The following OSBPL10 variants were observed in gnomAD, a reference collection of about 807,000 sequenced individuals.
The protein encoded by OSBPL10 is oxysterol binding protein like 10.
In OSBPL10, 49 loss-of-function variants were observed where a neutral mutation model predicts 81.7. That is an observed-to-expected ratio of 0.60 (90% confidence interval 0.48 to 0.76). The LOEUF is 0.76. OSBPL10 is among the 30% of genes least tolerant of loss of function. OSBPL10 has a pLI of 0.00. For synonymous variants in OSBPL10, 419 were observed against 383.6 expected (o/e 1.09, Z -1.08); for missense variants, 923 against 987.8 (o/e 0.93, Z 0.88).
chr3:31,808,400 G>C (rs1268016985), intron 4 of OSBPL10, among the ~76,000 whole-genome samples: 1 of 152,204 alleles, frequency 6.6e-6, no homozygotes, highest in Non-Finnish European at 1.5e-5. Context: ...AGTTGCCTTG[G>C]CAACAGTATC....
In OSBPL10 at chr3:31,990,205, G is replaced by A. The variant is rs754185957; in HGVS notation, n.298+56286C>T. ...GAAACCTTACAAGTGTAATGAGTGT[G>A]GCAAAGCCTTTAGTGGGCAGTCAAC... On this transcript the variant is annotated intron_variant and non_coding_transcript_variant, in intron 2 of 3. Coordinates refer to the OSBPL10 transcript ENST00000479173. 16 of 1,613,962 alleles carry A rather than the reference G, an allele frequency of 9.9e-6. No homozygotes were observed. In the East Asian group the frequency reaches 3.6e-4, roughly 36 times the overall value.
chr3:31,697,226 T>C (rs115625905), intron 7 of OSBPL10, among the ~76,000 whole-genome samples: 8,032 of 152,166 alleles, frequency 0.053, 693 homozygotes, highest in African/African-American at 0.18. Context: ...GGAGAAACCA[T>C]GTGGGAAGAA....
At chr3:31,933,133 C>T (rs757960285) in intron 1 of OSBPL10, among the ~76,000 whole-genome samples, 20 of 152,152 alleles carry the variant, frequency 1.3e-4, no homozygotes, top group African/African-American at 4.8e-4. Flanking sequence ...TCCAGTTTTA[C>T]GCATGGAGAA....
At chr3:32,010,369 C>G (rs1435309908) in intron 2 of OSBPL10, among the ~76,000 whole-genome samples, 1 of 152,108 alleles carries the variant, frequency 6.6e-6, no homozygotes, top group Non-Finnish European at 1.5e-5. Context: ...GCAGCCCTAG[C>G]AGACTAATAC....
At chr3:31,730,320 G>A (rs1696934334) in intron 6 of OSBPL10, among the ~76,000 whole-genome samples, 1 of 151,002 alleles carries the variant, frequency 6.6e-6, no homozygotes, top group South Asian at 2.1e-4. Flanking sequence ...ACTCCAGCCT[G>A]GCCACAGAGC....
At chr3:31,813,735 C>T (rs1438744758) in intron 4 of OSBPL10, among the ~76,000 whole-genome samples, 4 of 152,104 alleles carry the variant, frequency 2.6e-5, no homozygotes, top group African/African-American at 9.7e-5. Flanking sequence ...GCTCAAATTC[C>T]AGCCTGGCTG....
At chr3:31,870,158 C>T (rs183255308) in intron 3 of OSBPL10, among the ~76,000 whole-genome samples, 42 of 152,372 alleles carry the variant, frequency 2.8e-4, no homozygotes, top group African/African-American at 9.6e-4. Context: ...GCGCACTGCG[C>T]TTGCGGGCCA....
chr3:31,739,932 A>C (rs957098028), intron 5 of OSBPL10, among the ~76,000 whole-genome samples: 2 of 152,140 alleles, frequency 1.3e-5, no homozygotes, highest in African/African-American at 4.8e-5. Context: ...ACTGAACTTC[A>C]TCTTTTTATC....
At chr3:31,871,193 G>A (rs1701315357) in intron 3 of OSBPL10, among the ~76,000 whole-genome samples, 1 of 152,002 alleles carries the variant, frequency 6.6e-6, no homozygotes, top group South Asian at 2.1e-4. Flanking sequence ...TCACTCTTTG[G>A]GTCCACACTG....
At chr3:32,034,723 A>G (rs1409575111) in intron 2 of OSBPL10, among the ~76,000 whole-genome samples, 2 of 152,224 alleles carry the variant, frequency 1.3e-5, no homozygotes, top group Non-Finnish European at 2.9e-5. Flanking sequence ...ATGTCAGTCA[A>G]GATATTGTAT....
chr3:31,664,210 G>T lies in OSBPL10; in HGVS notation c.2119C>A (p.Arg707=). 6.2e-7 allele frequency: 1 copy of T among 1,612,576 alleles called. No homozygotes were observed. The highest frequency in any genetic ancestry group is 8.5e-7 in the Non-Finnish European group (1 of 1,179,986). Residue 707 remains arginine (R), a synonymous_variant, in exon 11 of 12, where the codon CGA becomes AGA. Transcript: ENST00000396556. The part of the protein sequence containing the change: ...ESRNLWREVT[R]YLRLGDIDAA... The stretch of plus-strand genomic sequence containing the variant: ...TCAATGTCCCCCAGCCGCAGGTATC[G>T]GGTCACCTCCCGCCAGAGGTTCCTG...
Position 32,001,263 on chromosome 3 carries a change from G to A in OSBPL10, n.298+45228C>T, listed in dbSNP as rs373285427. ...TGGATGTGTCCCAAGAGAACTTCCC[G>A]GTCTCCAACCCTTCCCTGGCCTACT... On this transcript the variant is annotated intron_variant and non_coding_transcript_variant, in intron 2 of 3. Transcript: ENST00000479173. Among the ~76,000 whole-genome samples the A allele has an allele frequency of 6.6e-5, 10 of 152,164 alleles. No homozygotes were observed. The East Asian group carries it at 7.7e-4, about 12-fold the overall frequency.
In OSBPL10 at chr3:31,812,812, AAGAAAG is replaced by A. The variant is rs1559476533; in HGVS notation, c.729+17222_729+17227del. Among the ~76,000 whole-genome samples the A allele has an allele frequency of 7.9e-4, 46 of 58,034 alleles. 1 individual carries two copies. The highest frequency in any genetic ancestry group is 3.7e-3 in the East Asian group (5 of 1,336). 38.1% of individuals were successfully genotyped at this position (58,034 alleles called of 152,430 possible). On this transcript the variant is annotated intron_variant, in intron 4 of 11. Coordinates refer to ENST00000396556, the MANE Select transcript of OSBPL10 (RefSeq NM_017784.5). ...AAAGAAAGAAAGAAAGAAAGAAAGA[AAGAAAG>A]AGAAAGAAAGAAAGAAAGAAAGAAA...
intron 2 of OSBPL10, among the ~76,000 whole-genome samples, chr3:32,026,923 T>A (rs760135603): frequency 7.2e-5 from 11 of 152,200 alleles, no homozygotes; most frequent in Non-Finnish European, 1.3e-4. Context: ...CTCCTCACCC[T>A]CAGAAAGTCT....
intron 1 of OSBPL10, among the ~76,000 whole-genome samples, chr3:31,912,845 C>G (rs1465864384): frequency 1.3e-5 from 2 of 152,156 alleles, no homozygotes; most frequent in African/African-American, 2.4e-5. Flanking sequence ...GGATCCACTC[C>G]CATGGCCTGC....
chr3:31,943,797 C>G (rs542395150), intron 1 of OSBPL10, among the ~76,000 whole-genome samples: 2 of 151,804 alleles, frequency 1.3e-5, no homozygotes, highest in Admixed American at 1.3e-4. Context: ...GAAACCCCGT[C>G]TCTACTAAAA....
intron 4 of OSBPL10, among the ~76,000 whole-genome samples, chr3:31,755,365 C>T (rs753013639): frequency 6.6e-6 from 1 of 152,184 alleles, no homozygotes; most frequent in Non-Finnish European, 1.5e-5. Context: ...TTGAAGACTG[C>T]TTCATAAGCA....
In OSBPL10 at chr3:31,687,330, G is replaced by C. The variant is rs139176609; in HGVS notation, c.1246-3216C>G. Among the ~76,000 whole-genome samples the C allele has an allele frequency of 2.8e-3, 432 of 152,206 alleles. 2 individuals carry two copies. Among genetic ancestry groups the C allele is most frequent in the African/African-American group, 9.8e-3 (406 of 41,518 alleles). ...TCCACCTCTAGACAAGAATCTTCAT[G>C]TTTGTACCCAAGATTAAAGTTAACA... On this transcript the variant is annotated intron_variant, in intron 7 of 11. Transcript: ENST00000396556.
intron 1 of OSBPL10, among the ~76,000 whole-genome samples, chr3:31,900,024 ACTTTTTTT>A: frequency 7.2e-6 from 1 of 139,536 alleles, no homozygotes; most frequent in Non-Finnish European, 1.5e-5. Flanking sequence ...AGAAAATAAA[ACTTTTTTT>A]TTTTTTTTTT....
Sources: gnomAD v4.1 joint callset for allele counts (sites outside exome capture counted in the v4.1 genomes callset) on GRCh38, gnomAD v4.1.1 for gene constraint, MANE v1.5 for transcripts, NCBI Gene and HGNC (gene_info 2026-07-23, HGNC 2026-07-21) for gene names.